Variants in MRPL3 observed in about 807,000 individuals in gnomAD.
MRPL3 encodes mitochondrial ribosomal protein L3, also known as large ribosomal subunit protein uL3m.
In MRPL3, 43 loss-of-function variants were observed where a neutral mutation model predicts 44.3. The ratio of observed to expected loss-of-function variants is 0.97; its 90% CI spans 0.76 to 1.25. MRPL3 has a LOEUF of 1.25. MRPL3 is among the 50% of genes most tolerant of loss of function. MRPL3 has a pLI of 0.00. For missense variants in MRPL3, 406 were observed against 427.6 expected (o/e 0.95, Z 0.45); for synonymous variants, 171 against 152.3 (o/e 1.12, Z -0.91).
In MRPL3 at chr3:131,500,510, C is replaced by A; in HGVS notation, c.289G>T (p.Val97Phe). Residue 97 changes from valine (V) to phenylalanine (F), a missense_variant, in exon 3 of 10, where the codon GTT becomes TTT. Physicochemically the swap from Val to Phe is conservative, Grantham distance 50. Transcript: ENST00000264995. ...CCCAGCTTCAAGGCAATAAGACCAACTCTAAAGGAACCTGGCAATTAAAAC... is the reference window on the plus strand; with the variant it reads ...CCCAGCTTCAAGGCAATAAGACCAAATCTAAAGGAACCTGGCAATTAAAAC... Reference protein sequence around the residue: ...IHPWEPGSFRVGLIALKLGMM... With the variant: ...IHPWEPGSFRFGLIALKLGMM... 1 of 1,613,668 alleles carries A rather than the reference C, an allele frequency of 6.2e-7. No individual in the cohort carries two copies. The highest frequency in any genetic ancestry group is 8.5e-7 in the Non-Finnish European group (1 of 1,179,746).
At chr3:131,478,582 T>C (rs1267472917) in intron 6 of MRPL3, among the ~76,000 whole-genome samples, 4 of 152,224 alleles carry the variant, frequency 2.6e-5, no homozygotes, top group African/African-American at 9.6e-5. Context: ...CACTCTTCCA[T>C]GCCTTTGTTC....
chr3:131,468,946 T>G (rs1553716785), intron 8 of MRPL3, among the ~76,000 whole-genome samples: 1 of 152,060 alleles, frequency 6.6e-6, no homozygotes, highest in Non-Finnish European at 1.5e-5. Flanking sequence ...TTGTTCTTAT[T>G]GGTGGCTTAT....
intron 4 of MRPL3, among the ~76,000 whole-genome samples, chr3:131,493,469 T>G (rs553634293): frequency 1.2e-4 from 18 of 152,330 alleles, no homozygotes; most frequent in Admixed American, 5.9e-4. Flanking sequence ...TGCTGACCTG[T>G]GAGCACCTGG....
At chr3:131,470,722 T>C (rs908862489) in intron 7 of MRPL3, among the ~76,000 whole-genome samples, 1 of 152,082 alleles carries the variant, frequency 6.6e-6, no homozygotes, top group Admixed American at 6.6e-5. Context: ...TACTTATAGT[T>C]TGAATTCAAC....
chr3:131,500,727 A>C (rs1291873088), intron 2 of MRPL3, among the ~76,000 whole-genome samples: 1 of 152,274 alleles, frequency 6.6e-6, no homozygotes, highest in African/African-American at 2.4e-5. Context: ...GTGCTCAATA[A>C]ATATTTGTAA....
intron 4 of MRPL3, among the ~76,000 whole-genome samples, chr3:131,493,948 T>A (rs1321370182): frequency 1.3e-5 from 2 of 152,228 alleles, no homozygotes; most frequent in Non-Finnish European, 2.9e-5. Flanking sequence ...GAATATAATA[T>A]GTGAATACTT....
At chr3:131,462,914 T>C in intron 9 of MRPL3, 39 bp from the exon 10 acceptor site, 1 of 1,556,194 alleles carries the variant, frequency 6.4e-7, no homozygotes, top group Non-Finnish European at 8.8e-7. Flanking sequence ...CCAATTAAGT[T>C]CTTTAAAGGT....
intron 3 of MRPL3, among the ~76,000 whole-genome samples, chr3:131,500,209 C>A (rs1934463304): frequency 6.6e-6 from 1 of 152,150 alleles, no homozygotes; most frequent in African/African-American, 2.4e-5. Context: ...AAATTCATTG[C>A]TCCAGTTATC....
chr3:131,480,027 A>T (rs527416439), intron 6 of MRPL3, among the ~76,000 whole-genome samples: 1 of 152,358 alleles, frequency 6.6e-6, no homozygotes, highest in African/African-American at 2.4e-5. Context: ...CTAATAAACA[A>T]AAAAGAATTA....
At position 131,502,420 on chromosome 3, in the gene MRPL3, C is replaced by T. The variant is rs79563337; in HGVS notation, c.92+310G>A. Among the ~76,000 whole-genome samples, 1,258 of 152,298 alleles carry T rather than the reference C, an allele frequency of 8.3e-3. 15 individuals are homozygous for T. Among genetic ancestry groups the T allele is most frequent in the African/African-American group, 0.028 (1,183 of 41,552 alleles). ...TAAACCTTATGATAGCAGTTTGCTC[C>T]CGTGAGGCTACATAAGGCACCTAAT... is the stretch of plus-strand genomic sequence containing the variant. On this transcript the variant is annotated intron_variant, in intron 1 of 9. Coordinates refer to ENST00000264995, the MANE Select transcript of MRPL3 (RefSeq NM_007208.4).
intron 4 of MRPL3, among the ~76,000 whole-genome samples, chr3:131,491,171 T>C (rs1214592011): frequency 6.6e-6 from 1 of 152,222 alleles, no homozygotes; most frequent in Non-Finnish European, 1.5e-5. Context: ...CCAAGTCTAC[T>C]TTCTCTCCTC....
intron 8 of MRPL3, among the ~76,000 whole-genome samples, chr3:131,468,864 T>C (rs1933679080): frequency 6.6e-6 from 1 of 152,094 alleles, no homozygotes; most frequent in African/African-American, 2.4e-5. Flanking sequence ...TCAAAATTTA[T>C]ATATAAAAGG....
At chr3:131,479,628 G>C (rs570823437) in intron 6 of MRPL3, among the ~76,000 whole-genome samples, 1 of 152,022 alleles carries the variant, frequency 6.6e-6, no homozygotes, top group Non-Finnish European at 1.5e-5. Context: ...GGTGGATCAC[G>C]AGGTCAGGAG....
chr3:131,493,038 A>G (rs569221400), intron 4 of MRPL3, among the ~76,000 whole-genome samples: 35 of 152,266 alleles, frequency 2.3e-4, no homozygotes, highest in Admixed American at 2.0e-3. Flanking sequence ...ACAATATAAC[A>G]TAGTACATCT....
At position 131,471,298 on chromosome 3, in the gene MRPL3, A is replaced by G; in HGVS notation, c.630-19T>C. 6.6e-7 allele frequency: 1 copy of G among 1,517,906 alleles called. No homozygotes were observed. The highest frequency in any genetic ancestry group is 9.2e-7 in the Non-Finnish European group (1 of 1,092,380). 94.0% of individuals were successfully genotyped at this position (1,517,906 alleles called of 1,614,324 possible). ...ACCAATACTGAACAAAACAAACGTTAGAATTTACATAATGAAAAGAGCATA... is the reference window on the plus strand; with the variant it reads ...ACCAATACTGAACAAAACAAACGTTGGAATTTACATAATGAAAAGAGCATA... On this transcript the variant is annotated intron_variant, in intron 6 of 9. Transcript: ENST00000264995.
intron 4 of MRPL3, among the ~76,000 whole-genome samples, chr3:131,496,387 T>A (rs1304467386): frequency 6.6e-6 from 1 of 152,200 alleles, no homozygotes; most frequent in East Asian, 1.9e-4. Context: ...ATGACAAAGC[T>A]TTAAAGAAAA....
intron 6 of MRPL3, among the ~76,000 whole-genome samples, chr3:131,484,194 G>A (rs921133587): frequency 6.6e-6 from 1 of 152,140 alleles, no homozygotes; most frequent in African/African-American, 2.4e-5. Context: ...GGAGTGAGGA[G>A]GAAAAGTGGT....
rs574827411 is a variant in MRPL3 at position 131,471,558 on chromosome 3, G to T, written c.630-279C>A. Among the ~76,000 whole-genome samples the T allele has an allele frequency of 1.4e-4, 22 of 152,222 alleles. No homozygotes were observed. The South Asian group carries it at 1.7e-3, about 11-fold the overall frequency. On this transcript the variant is annotated intron_variant, in intron 6 of 9. Coordinates refer to ENST00000264995, the MANE Select transcript of MRPL3 (RefSeq NM_007208.4). Reference sequence around the variant, plus strand: ...AGCACAGGGAATTTTATCTGAACAGGAGTTTTATCATCCTAATTCTGTGAA... The same window carrying T: ...AGCACAGGGAATTTTATCTGAACAGTAGTTTTATCATCCTAATTCTGTGAA...
Position 131,498,047 on chromosome 3 carries a change from T to TC in MRPL3, c.468+131dup, listed in dbSNP as rs576338435. On this transcript the variant is annotated intron_variant, in intron 4 of 9. Coordinates refer to ENST00000264995, the MANE Select transcript of MRPL3 (RefSeq NM_007208.4). ...GGCAAAATGGCTGTGCCAGACTGCC[T>TC]CCCCCAAATACACAATTTACCTCAC... is the stretch of plus-strand genomic sequence containing the variant. The TC allele has an allele frequency of 1.8e-4, 128 of 709,934 alleles. No individual in the cohort carries two copies. In the East Asian group the frequency reaches 3.4e-3, roughly 19 times the overall value. 44.0% of individuals were successfully genotyped at this position (709,934 alleles called of 1,614,324 possible).
Sources: allele counts gnomAD v4.1 joint callset (sites outside exome capture counted in the v4.1 genomes callset), GRCh38; gene constraint gnomAD v4.1.1; transcripts MANE v1.5; gene names NCBI Gene and HGNC (gene_info 2026-07-23, HGNC 2026-07-21).